DSCAM: variants seen among roughly 807,000 people sequenced by gnomAD.
DSCAM encodes cell adhesion molecule DSCAM.
In DSCAM, 47 loss-of-function variants were observed where a neutral mutation model predicts 217.7. The ratio of observed to expected loss-of-function variants is 0.22; its 90% CI spans 0.17 to 0.28. DSCAM has a LOEUF of 0.28. DSCAM is among the 10% of genes least tolerant of loss of function. DSCAM has a pLI of 1.00. For synonymous variants in DSCAM, 1,056 were observed against 1,015.3 expected, an observed-to-expected ratio of 1.04 and a Z score of -0.76; for missense variants, 2,080 against 2,618.3, an observed-to-expected ratio of 0.79 and a Z score of 4.49.
chr21:40,503,438 G>C (rs1243469733), intron 3 of DSCAM, among the ~76,000 whole-genome samples: 1 of 152,180 alleles, frequency 6.6e-6, no homozygotes, highest in Non-Finnish European at 1.5e-5. Flanking sequence ...TCTGTCCCCA[G>C]CTTTCCTGCA....
At chr21:40,484,944 G>A (rs2076012560) in intron 3 of DSCAM, among the ~76,000 whole-genome samples, 1 of 152,160 alleles carries the variant, frequency 6.6e-6, no homozygotes, top group African/African-American at 2.4e-5. Flanking sequence ...CTCTGTCATG[G>A]AGGTCACCTT....
chr21:40,311,245 A>G (rs1036147103), intron 9 of DSCAM, among the ~76,000 whole-genome samples: 7 of 152,210 alleles, frequency 4.6e-5, no homozygotes, highest in African/African-American at 1.7e-4. Flanking sequence ...TTAACTTCAG[A>G]CAGTTACTTT....
intron 3 of DSCAM, among the ~76,000 whole-genome samples, chr21:40,428,107 T>C (rs2075493057): frequency 6.6e-6 from 1 of 152,182 alleles, no homozygotes; most frequent in African/African-American, 2.4e-5. Context: ...TTCTGAAATT[T>C]AGGCTTGGCA....
intron 10 of DSCAM, among the ~76,000 whole-genome samples, chr21:40,294,438 G>A (rs2073930869): frequency 6.6e-6 from 1 of 152,354 alleles, no homozygotes; most frequent in South Asian, 2.1e-4. Flanking sequence ...TCTAGTTGGT[G>A]AGGATGCTGG....
At chr21:40,619,710 C>T (rs939493649) in intron 3 of DSCAM, among the ~76,000 whole-genome samples, 5 of 151,860 alleles carry the variant, frequency 3.3e-5, no homozygotes, top group East Asian at 3.9e-4. Context: ...GTAAATACGC[C>T]GATCGATACT....
intron 1 of DSCAM, among the ~76,000 whole-genome samples, chr21:40,733,685 A>G (rs2091035431): frequency 6.6e-6 from 1 of 152,112 alleles, no homozygotes; most frequent in Admixed American, 6.5e-5. Context: ...AGAGAAAGTG[A>G]CACGCCTCCT....
intron 3 of DSCAM, among the ~76,000 whole-genome samples, chr21:40,691,746 A>C (rs1019995576): frequency 3.3e-5 from 5 of 152,252 alleles, no homozygotes; most frequent in Admixed American, 1.3e-4. Flanking sequence ...CAATGTTTTC[A>C]TAAAAACTAA....
At chr21:40,581,748 A>G (rs190615302) in intron 3 of DSCAM, among the ~76,000 whole-genome samples, 4 of 152,322 alleles carry the variant, frequency 2.6e-5, no homozygotes, top group Admixed American at 2.6e-4. Context: ...TTAGCTGGAA[A>G]CAGACAAAAA....
chr21:40,741,562 G>A (rs1035971464), intron 1 of DSCAM, among the ~76,000 whole-genome samples: 2 of 151,234 alleles, frequency 1.3e-5, no homozygotes, highest in African/African-American at 4.9e-5. Flanking sequence ...GAGTGACAGA[G>A]TAAGAAAAGT....
intron 3 of DSCAM, among the ~76,000 whole-genome samples, chr21:40,545,650 G>C (rs556933747): frequency 2.0e-5 from 3 of 152,174 alleles, no homozygotes; most frequent in African/African-American, 7.2e-5. Flanking sequence ...CTTGGCAGGG[G>C]TAAGAATTGT....
chr21:40,518,382 A>ATTATATATATTATAT (rs1301989315), intron 3 of DSCAM, among the ~76,000 whole-genome samples: 6 of 118 alleles, frequency 0.051, 2 homozygotes, highest in African/African-American at 0.21. Context: ...ATATATATAT[A>ATTATATATATTATAT]ATATATTATA....
At chr21:40,780,423 G>GTGTATATATATATATATATATATATATA (rs1007015659) in intron 1 of DSCAM, among the ~76,000 whole-genome samples, 1 of 56,418 alleles carries the variant, frequency 1.8e-5, no homozygotes, top group African/African-American at 7.7e-5. Flanking sequence ...GTGTGTGTGT[G>GTGTATATATATATATATATATATATATA]TATATATATA....
chr21:40,694,932 CAG>C, intron 2 of DSCAM, among the ~76,000 whole-genome samples: 1 of 152,224 alleles, frequency 6.6e-6, no homozygotes, highest in South Asian at 2.1e-4. Context: ...AAGCAGAAGA[CAG>C]AGAGGAGAAG....
chr21:40,144,758 A>G lies in DSCAM; in HGVS notation c.3019-27T>C. 2 of 1,613,342 alleles carry G rather than the reference A, an allele frequency of 1.2e-6. No homozygotes were observed. The highest frequency in any genetic ancestry group is 1.7e-6 in the Non-Finnish European group (2 of 1,179,704). On this transcript the variant is annotated intron_variant, in intron 16 of 32. Transcript: ENST00000400454. This position sits in a 1 kb window ranked among gnomAD's most constrained non-coding sequence, Gnocchi z 4.8. ...TAAACAGGAGAGAAAAGAACACACT[A>G]AAGAAGTCTTGAGGTAGGACAAGAG...
At chr21:40,795,401 A>T (rs955335296) in intron 1 of DSCAM, among the ~76,000 whole-genome samples, 7 of 152,114 alleles carry the variant, frequency 4.6e-5, no homozygotes, top group Non-Finnish European at 1.5e-5. Flanking sequence ...ACTGTTCACA[A>T]GCTATAGTGA....
At position 40,166,335 on chromosome 21, in the gene DSCAM, C is replaced by T. The variant is rs146723266; in HGVS notation, c.3018+883G>A. Among the ~76,000 whole-genome samples the T allele has an allele frequency of 7.7e-3, 1,170 of 152,148 alleles. 16 individuals are homozygous for T. The highest frequency in any genetic ancestry group is 0.027 in the African/African-American group (1,112 of 41,500). ...CACATGCCATGAGAGAAATTCAGAG[C>T]GGGGATAGTTAATGCAATGTTACAG... On this transcript the variant is annotated intron_variant, in intron 16 of 32. Transcript: ENST00000400454.
chr21:40,504,163 G>C (rs1315970345), intron 3 of DSCAM, among the ~76,000 whole-genome samples: 2 of 152,158 alleles, frequency 1.3e-5, no homozygotes, highest in Non-Finnish European at 2.9e-5. Flanking sequence ...GGAAAGAGAA[G>C]AGAAGAGGAA....
At chr21:40,318,627 A>T (rs2074226674) in intron 8 of DSCAM, among the ~76,000 whole-genome samples, 1 of 152,184 alleles carries the variant, frequency 6.6e-6, no homozygotes, top group African/African-American at 2.4e-5. Flanking sequence ...CAGCAGCCAG[A>T]GATGCACCTA....
At chr21:40,085,853 G>A (rs1479879270) in intron 22 of DSCAM, 88 bp from the exon 23 acceptor site, 1 of 1,178,216 alleles carries the variant, frequency 8.5e-7, no homozygotes, top group Non-Finnish European at 1.1e-6. Flanking sequence ...ACTCTGTGAA[G>A]CAAACCACAC....
Sources: gnomAD v4.1 joint callset for allele counts (sites outside exome capture counted in the v4.1 genomes callset) on GRCh38, gnomAD v4.1.1 for gene constraint, Gnocchi (gnomAD v3.1) non-coding constraint, MANE v1.5 for transcripts, NCBI Gene and HGNC (gene_info 2026-07-23, HGNC 2026-07-21) for gene names.